The following GALNT10 variants were observed in gnomAD, a reference collection of about 807,000 sequenced individuals.
GALNT10 encodes GalNAc transferase 10.
In GALNT10, 41 loss-of-function variants were observed where a neutral mutation model predicts 75.0. The ratio of observed to expected loss-of-function variants is 0.55; its 90% confidence interval spans 0.43 to 0.71. The LOEUF (loss-of-function observed/expected upper bound fraction) is 0.71. Among genes scored for constraint, GALNT10 ranks in the 30% least tolerant of loss-of-function variants. The probability of loss-of-function intolerance (pLI) is 0.00; values close to 1 mark genes in which losing one functional copy is unlikely to be tolerated. For missense variants in GALNT10, 727 were observed against 818.5 expected, an observed-to-expected ratio of 0.89 and a Z score of 1.36; for synonymous variants, 302 against 313.0, an observed-to-expected ratio of 0.96 and a Z score of 0.37.
intron 1 of GALNT10, among the ~76,000 whole-genome samples, chr5:154,264,858 T>A (rs1316429975): frequency 6.6e-6 from 1 of 152,110 alleles, no homozygotes; most frequent in Non-Finnish European, 1.5e-5. Context: ...TCTCAGAGAG[T>A]GCCTGAAATC....
At chr5:154,293,611 A>ATTTTTTTTTTTTTTTTT (rs912343114) in intron 1 of GALNT10, among the ~76,000 whole-genome samples, 3 of 96,704 alleles carry the variant, frequency 3.1e-5, no homozygotes, top group South Asian at 2.7e-4. Context: ...ATATATATAT[A>ATTTTTTTTTTTTTTTTT]TATTTTTTTT....
At chr5:154,280,614 C>T (rs1393448479) in intron 1 of GALNT10, among the ~76,000 whole-genome samples, 1 of 152,104 alleles carries the variant, frequency 6.6e-6, no homozygotes, top group Non-Finnish European at 1.5e-5. Context: ...ATGGCTTGTC[C>T]CTTAAACAAC....
At chr5:154,379,782 G>A (rs945908784) in intron 5 of GALNT10, among the ~76,000 whole-genome samples, 3 of 152,244 alleles carry the variant, frequency 2.0e-5, no homozygotes. Context: ...CCTGCAGGGT[G>A]TTGGTCCACC....
intron 1 of GALNT10, among the ~76,000 whole-genome samples, chr5:154,269,601 C>T (rs766491802): frequency 3.9e-5 from 6 of 152,194 alleles, no homozygotes; most frequent in African/African-American, 7.2e-5. Flanking sequence ...CCCAGCTGGA[C>T]GTGGCTGGGG....
At chr5:154,305,816 C>T (rs1328405312) in intron 3 of GALNT10, among the ~76,000 whole-genome samples, 3 of 151,948 alleles carry the variant, frequency 2.0e-5, no homozygotes, top group Non-Finnish European at 2.9e-5. Context: ...TCAGGAGTTC[C>T]AGACCAGCCT....
At chr5:154,389,159 GC>G in intron 7 of GALNT10, 1 of 151,934 alleles carries the variant, frequency 6.6e-6, no homozygotes, top group East Asian at 1.9e-4. Flanking sequence ...AGTACCTAAA[GC>G]CTGGTCCAAC....
intron 1 of GALNT10, among the ~76,000 whole-genome samples, chr5:154,205,058 C>T (rs1231860843): frequency 2.0e-5 from 3 of 152,170 alleles, no homozygotes; most frequent in East Asian, 1.9e-4. Flanking sequence ...ACCACTCCTC[C>T]GTGTTTCATT....
chr5:154,397,381 G>A (rs770649105), intron 7 of GALNT10, among the ~76,000 whole-genome samples: 3 of 152,096 alleles, frequency 2.0e-5, no homozygotes, highest in South Asian at 2.1e-4. Context: ...CACCAGTAGC[G>A]ATGGGCCACG....
At chr5:154,286,689 C>T (rs1243528784) in intron 1 of GALNT10, among the ~76,000 whole-genome samples, 1 of 152,186 alleles carries the variant, frequency 6.6e-6, no homozygotes, top group Non-Finnish European at 1.5e-5. Flanking sequence ...ACAATGGCTC[C>T]TATCTGTGAG....
At chr5:154,261,004 G>A (rs1753691049) in intron 1 of GALNT10, among the ~76,000 whole-genome samples, 2 of 144,948 alleles carry the variant, frequency 1.4e-5, no homozygotes, top group South Asian at 5.0e-4. Flanking sequence ...ACTTGCTTGG[G>A]ATGAGTTATG....
At chr5:154,209,850 A>G (rs1775167805) in intron 1 of GALNT10, among the ~76,000 whole-genome samples, 1 of 152,180 alleles carries the variant, frequency 6.6e-6, no homozygotes. Flanking sequence ...TGCATGTGTT[A>G]TTATGTAATA....
rs764097403 is a variant in GALNT10, at chr5:154,409,602, G to A, written c.1226G>A (p.Arg409Gln). 2.3e-5 allele frequency: 37 copies of A among 1,613,904 alleles called. No individual in the cohort carries two copies. Among genetic ancestry groups the A allele is most frequent in the Admixed American group, 6.7e-5 (4 of 59,998 alleles). ...TACGCAGAGTACATTTACCAGCGCCGGCCTGAATACCGCCACCTCTCCGCT... is the reference window on the plus strand; with the variant it reads ...TACGCAGAGTACATTTACCAGCGCCAGCCTGAATACCGCCACCTCTCCGCT... ...DEYAEYIYQRRPEYRHLSAGD... is the reference protein window; with the variant it reads ...DEYAEYIYQRQPEYRHLSAGD... The change falls in exon 9 of 12, where the codon CGG becomes CAG. Residue 409 changes from arginine (R) to glutamine (Q), a missense_variant. Coordinates refer to ENST00000297107, the MANE Select transcript of GALNT10 (RefSeq NM_198321.4). The surrounding 1 kb of genome is among the most constrained non-coding windows in gnomAD (Gnocchi z 4.5).
intron 1 of GALNT10, among the ~76,000 whole-genome samples, chr5:154,216,124 G>T (rs1208955865): frequency 6.6e-6 from 1 of 152,052 alleles, no homozygotes; most frequent in Non-Finnish European, 1.5e-5. Context: ...CAGAGACCAG[G>T]GTCAGGAGGA....
At chr5:154,324,262 G>T (rs1469703641) in intron 3 of GALNT10, among the ~76,000 whole-genome samples, 5 of 152,236 alleles carry the variant, frequency 3.3e-5, no homozygotes, top group Non-Finnish European at 5.9e-5. Context: ...GGGGCAGTGG[G>T]CAGCTCACAG....
chr5:154,323,060 A>G lies in GALNT10; in HGVS notation c.402-6512A>G, dbSNP rs559255257. Among the ~76,000 whole-genome samples the G allele has an allele frequency of 3.3e-5, 5 of 152,354 alleles. No homozygotes were observed. In the South Asian group the frequency reaches 8.3e-4, roughly 25 times the overall value. On this transcript the variant is annotated intron_variant, in intron 3 of 11. Coordinates refer to ENST00000297107, the MANE Select transcript of GALNT10 (RefSeq NM_198321.4). ...ACCCAGATAAAATACATAAAGTGCA[A>G]TGAAGAAAAGCATAGGGTTCTAGGA...
intron 3 of GALNT10, among the ~76,000 whole-genome samples, chr5:154,312,142 G>T (rs1285903899): frequency 2.0e-5 from 3 of 152,106 alleles, no homozygotes; most frequent in Non-Finnish European, 4.4e-5. Context: ...GCCTTGAAAG[G>T]GTTTAAGCAA....
intron 1 of GALNT10, among the ~76,000 whole-genome samples, chr5:154,236,739 A>C (rs1407093163): frequency 6.6e-6 from 1 of 152,220 alleles, no homozygotes; most frequent in African/African-American, 2.4e-5. Context: ...TTTGATTCTC[A>C]TAACAGAAAC....
At chr5:154,220,273 TATA>T (rs1752959381) in intron 1 of GALNT10, 1 of 152,212 alleles carries the variant, frequency 6.6e-6, no homozygotes. Flanking sequence ...TAGTATTGCT[TATA>T]GTACTCAGTG....
At chr5:154,194,868 CTG>C (rs1774911871) in intron 1 of GALNT10, among the ~76,000 whole-genome samples, 1 of 152,200 alleles carries the variant, frequency 6.6e-6, no homozygotes, top group Non-Finnish European at 1.5e-5. Flanking sequence ...GGAATAGATA[CTG>C]TGTTAGGGCT....
Sources: allele counts gnomAD v4.1 joint callset (sites outside exome capture counted in the v4.1 genomes callset), GRCh38; gene constraint gnomAD v4.1.1; non-coding constraint Gnocchi (gnomAD v3.1); transcripts MANE v1.5; gene names NCBI Gene and HGNC (gene_info 2026-07-23, HGNC 2026-07-21).